ATE1: variants seen among roughly 807,000 people sequenced by gnomAD.
ATE1 encodes arginyl-tRNA--protein transferase 1.
In ATE1, 36 loss-of-function variants were observed where a neutral mutation model predicts 70.5. The ratio of observed to expected loss-of-function variants is 0.51; its 90% CI spans 0.39 to 0.67. The LOEUF is 0.67. ATE1 is among the 30% of genes least tolerant of loss of function. ATE1 has a pLI of 0.00. For synonymous variants in ATE1, 232 were observed against 219.3 expected (o/e 1.06, Z -0.51); for missense variants, 593 against 629.5 (o/e 0.94, Z 0.62).
intron 10 of ATE1, among the ~76,000 whole-genome samples, chr10:121,801,867 A>C (rs1472443611): frequency 6.6e-6 from 1 of 151,970 alleles, no homozygotes; most frequent in Admixed American, 6.6e-5. Context: ...TAAGTTCCCT[A>C]CTTAAAACCT....
chr10:121,827,381 G>A (rs1479725501), intron 10 of ATE1, among the ~76,000 whole-genome samples: 2 of 152,088 alleles, frequency 1.3e-5, no homozygotes, highest in African/African-American at 2.4e-5. Context: ...CTGATGGCCC[G>A]CAATTCCTGA....
intron 10 of ATE1, among the ~76,000 whole-genome samples, chr10:121,824,458 C>T (rs1947926594): frequency 6.6e-6 from 1 of 152,154 alleles, no homozygotes; most frequent in African/African-American, 2.4e-5. Context: ...CTGTTAATTC[C>T]ATTTTTTTGT....
chr10:121,816,491 C>T (rs1411224794), intron 10 of ATE1, among the ~76,000 whole-genome samples: 1 of 152,170 alleles, frequency 6.6e-6, no homozygotes, highest in East Asian at 1.9e-4. Flanking sequence ...TTTCACTCTT[C>T]CACCAGGTAA....
intron 5 of ATE1, among the ~76,000 whole-genome samples, chr10:121,905,362 T>C (rs1007766542): frequency 6.6e-6 from 1 of 152,220 alleles, no homozygotes; most frequent in East Asian, 1.9e-4. Flanking sequence ...ATTACATTCC[T>C]TACAGAAGTT....
intron 4 of ATE1, 98 bp from the exon 5 acceptor site, chr10:121,911,249 A>G (rs1348188355): frequency 6.3e-6 from 9 of 1,419,072 alleles, no homozygotes; most frequent in Non-Finnish European, 7.7e-6. Flanking sequence ...TTGTGGCAGA[A>G]TTACTATCTG....
intron 3 of ATE1, among the ~76,000 whole-genome samples, chr10:121,918,784 G>T (rs139067649): frequency 6.8e-6 from 1 of 147,990 alleles, no homozygotes; most frequent in Non-Finnish European, 1.5e-5. Context: ...CCAATCCAAC[G>T]GCCAGCTGGA....
rs963632667 is a variant in ATE1, at chr10:121,903,222, A to G, written c.584-602T>C. Among the ~76,000 whole-genome samples, 83 of 151,874 alleles carry G rather than the reference A, an allele frequency of 5.5e-4. 1 individual carries two copies. Among genetic ancestry groups the G allele is most frequent in the Admixed American group, 4.6e-3 (70 of 15,238 alleles). On this transcript the variant is annotated intron_variant, in intron 5 of 11. Transcript: ENST00000224652. ...TTTTTTTAAAAAAAAACATTCATCC[A>G]CTTCTCTGCCTTTGTGAGGAAGAAC...
At chr10:121,823,113 A>T (rs1306114842) in intron 10 of ATE1, among the ~76,000 whole-genome samples, 1 of 152,020 alleles carries the variant, frequency 6.6e-6, no homozygotes, top group African/African-American at 2.4e-5. Flanking sequence ...ACACAGTGCA[A>T]CCCCATCTCT....
chr10:121,844,879 T>C (rs1948757352), intron 8 of ATE1, among the ~76,000 whole-genome samples: 4 of 152,136 alleles, frequency 2.6e-5, no homozygotes, highest in Non-Finnish European at 5.9e-5. Context: ...TTGCACTTTG[T>C]TTTATTTTGC....
At position 121,874,595 on chromosome 10, in the gene ATE1, A is replaced by G. The variant is rs2134055435; in HGVS notation, c.943-4557T>C. 3.3e-5 allele frequency among the ~76,000 whole-genome samples: 5 copies of G among 152,250 alleles called. 1 individual carries two copies. The South Asian group carries it at 1.0e-3, about 32-fold the overall frequency. ...CAGATTCAAGTAATTCCCTAAATTC[A>G]TTTTTTTATAGCTATTCTCTATCCC... On this transcript the variant is annotated intron_variant, in intron 7 of 11. Transcript: ENST00000224652.
intron 10 of ATE1, among the ~76,000 whole-genome samples, chr10:121,830,219 CTGG>C (rs1325355518): frequency 6.6e-6 from 1 of 152,138 alleles, no homozygotes; most frequent in East Asian, 1.9e-4. Flanking sequence ...AATCTGATTC[CTGG>C]TGTGGTAGTG....
intron 8 of ATE1, among the ~76,000 whole-genome samples, chr10:121,858,659 A>AGTATATATATAATATATATT (rs1554913034): frequency 1.6e-3 from 12 of 7,492 alleles, no homozygotes; most frequent in African/African-American, 5.0e-3. Context: ...TTATACATAT[A>AGTATATATATAATATATATT]ATATATATAT....
chr10:121,890,919 A>G (rs549182781), intron 7 of ATE1, among the ~76,000 whole-genome samples: 1 of 152,020 alleles, frequency 6.6e-6, no homozygotes, highest in Admixed American at 6.5e-5. Flanking sequence ...AAACACACAT[A>G]CTGGATTAAT....
chr10:121,836,448 A>T (rs1948436072), intron 10 of ATE1, among the ~76,000 whole-genome samples: 1 of 152,212 alleles, frequency 6.6e-6, no homozygotes, highest in African/African-American at 2.4e-5. Flanking sequence ...AGGAAACATC[A>T]AAGAGTTTCA....
chr10:121,755,125 CAG>C (rs1320794943), intron 11 of ATE1, among the ~76,000 whole-genome samples: 10 of 152,204 alleles, frequency 6.6e-5, no homozygotes, highest in Admixed American at 3.9e-4. Flanking sequence ...TCTAAAAAAA[CAG>C]AGAGAAAAGT....
intron 5 of ATE1, among the ~76,000 whole-genome samples, chr10:121,907,537 G>A (rs975796439): frequency 1.3e-5 from 2 of 151,984 alleles, no homozygotes; most frequent in African/African-American, 2.4e-5. Flanking sequence ...CACTTTGGGA[G>A]GCCGAGGCGG....
At position 121,927,860 on chromosome 10, in the gene ATE1, C is replaced by G; in HGVS notation, c.90G>C (p.Ser30=). ...CTCGCTCACCATTGGAGCGGCTGCC[C>G]GACTCGTTCTTGCAGTAGCCGCAGC... The part of the protein sequence containing the change: ...FYRCGYCKNE[S]GSRSNGMWAH... Residue 30 remains serine, a synonymous_variant, in exon 1 of 12, where the codon TCG becomes TCC. Transcript: ENST00000224652. The G allele has an allele frequency of 6.3e-7, 1 of 1,579,882 alleles. No individual in the cohort carries two copies. The highest frequency in any genetic ancestry group is 8.6e-7 in the Non-Finnish European group (1 of 1,166,118).
intron 7 of ATE1, among the ~76,000 whole-genome samples, chr10:121,887,306 A>T (rs1388351147): frequency 6.6e-6 from 1 of 152,228 alleles, no homozygotes; most frequent in Non-Finnish European, 1.5e-5. Flanking sequence ...TAAACAAGTG[A>T]ATATACATAC....
Position 121,873,329 on chromosome 10 carries a change from C to T in ATE1, c.943-3291G>A, listed in dbSNP as rs560363410. On this transcript the variant is annotated intron_variant, in intron 7 of 11. Coordinates refer to ENST00000224652, the MANE Select transcript of ATE1 (RefSeq NM_001001976.3). ...AGTACCATTTTCAAAATCCTCTAGG[C>T]CTCTAAAAAGAAAAAGGATACACAC... 2.0e-5 allele frequency among the ~76,000 whole-genome samples: 3 copies of T among 152,220 alleles called. No homozygotes were observed. In the South Asian group the frequency reaches 6.2e-4, roughly 32 times the overall value.
Sources: allele counts gnomAD v4.1 joint callset (sites outside exome capture counted in the v4.1 genomes callset), GRCh38; gene constraint gnomAD v4.1.1; transcripts MANE v1.5; gene names NCBI Gene and HGNC (gene_info 2026-07-23, HGNC 2026-07-21).